Variants in PIEZO2 observed in about 807,000 individuals in gnomAD.
PIEZO2 encodes the protein piezo type mechanosensitive ion channel component 2, also known as piezo-type mechanosensitive ion channel component 2.
PIEZO2 carries 172 observed loss-of-function variants against 337.3 expected under a neutral mutation model. That is an observed-to-expected ratio of 0.51 (90% CI 0.45 to 0.58). PIEZO2 has a LOEUF of 0.58. Among genes scored for constraint, PIEZO2 ranks in the 20% least tolerant of loss-of-function variants. The pLI is 0.00. For synonymous variants in PIEZO2, 1,251 were observed against 1,228.5 expected, an observed-to-expected ratio of 1.02 and a Z score of -0.38; for missense variants, 3,028 against 3,391.3, an observed-to-expected ratio of 0.89 and a Z score of 2.66.
Position 10,888,565 on chromosome 18 carries a change from A to G in PIEZO2, c.330-17150T>C, listed in dbSNP as rs2042672520. Among the ~76,000 whole-genome samples, 1 of 152,008 alleles carries G rather than the reference A, an allele frequency of 6.6e-6. No homozygotes were observed. The highest frequency in any genetic ancestry group is 2.1e-4 in the South Asian group (1 of 4,816). ...GACAGAGTCCTTTGCATATATTTCC[A>G]CACACACGCATATGCCTTTACAACT... On this transcript the variant is annotated intron_variant, in intron 4 of 55. Coordinates refer to ENST00000674853, the MANE Select transcript of PIEZO2 (RefSeq NM_001378183.1). This position sits in a 1 kb window ranked among gnomAD's most constrained non-coding sequence, Gnocchi z 4.1.
chr18:11,085,886 A>G (rs947224361), intron 1 of PIEZO2, among the ~76,000 whole-genome samples: 9 of 151,872 alleles, frequency 5.9e-5, no homozygotes, highest in Non-Finnish European at 1.2e-4. Context: ...GGTGGGAGAA[A>G]AAAAGGGAGG....
At position 10,752,523 on chromosome 18, in the gene PIEZO2, T is replaced by A. The variant is rs1034344457; in HGVS notation, c.4167+113A>T. 6.4e-6 allele frequency: 8 copies of A among 1,256,930 alleles called. No individual in the cohort carries two copies. The South Asian group carries it at 1.1e-4, about 17-fold the overall frequency. The allele number at this position is 1,256,930 out of a possible 1,614,324, so 77.9% of individuals were successfully genotyped here. A position where few individuals can be genotyped will look rare whatever the true frequency, so the allele number is the denominator to read the frequency against. The stretch of plus-strand genomic sequence containing the variant: ...TGAATTCTGAATTTGCAGCATCTTA[T>A]TGGGGCTTTTAAGAGAGCAACATGA... On this transcript the variant is annotated intron_variant, in intron 28 of 55. Coordinates refer to ENST00000674853, the MANE Select transcript of PIEZO2 (RefSeq NM_001378183.1).
intron 4 of PIEZO2, among the ~76,000 whole-genome samples, chr18:10,883,025 G>A (rs2042468368): frequency 6.6e-6 from 1 of 151,678 alleles, no homozygotes; most frequent in African/African-American, 2.4e-5. Flanking sequence ...TTTTGGTAGA[G>A]ACATGGTTTC....
chr18:11,035,096 C>A lies in PIEZO2; in HGVS notation c.160+31031G>T, dbSNP rs1017220071. Among the ~76,000 whole-genome samples, 14 of 152,142 alleles carry A rather than the reference C, an allele frequency of 9.2e-5. No homozygotes were observed. Among genetic ancestry groups the A allele is most frequent in the African/African-American group, 3.4e-4 (14 of 41,426 alleles). Reference sequence around the variant, plus strand: ...ATTCACTTTCGAAATCAATTTATTACAGAGTGTGTAGAAGGGGATGGAGCT... The same window carrying A: ...ATTCACTTTCGAAATCAATTTATTAAAGAGTGTGTAGAAGGGGATGGAGCT... On this transcript the variant is annotated intron_variant, in intron 2 of 55. Transcript: ENST00000674853. The surrounding 1 kb of genome is among the most constrained non-coding windows in gnomAD (Gnocchi z 4.3).
rs920911406 is a variant in PIEZO2, at chr18:10,895,916, C to T, written c.329+15270G>A. On this transcript the variant is annotated intron_variant, in intron 4 of 55. Coordinates refer to ENST00000674853, the MANE Select transcript of PIEZO2 (RefSeq NM_001378183.1). The surrounding 1 kb of genome is among the most constrained non-coding windows in gnomAD (Gnocchi z 4.8). ...TTTACTAAAAATACAGAAAATTACC[C>T]GGGCGTGGTGGCGTGTGCCTGTAAT... Among the ~76,000 whole-genome samples the T allele has an allele frequency of 3.3e-5, 5 of 151,684 alleles. No individual in the cohort carries two copies. Among genetic ancestry groups the T allele is most frequent in the African/African-American group, 1.2e-4 (5 of 41,254 alleles).
Position 10,687,285 on chromosome 18 carries a change from C to T in PIEZO2, c.7497+2370G>A, listed in dbSNP as rs553687460. 8.4e-5 allele frequency among the ~76,000 whole-genome samples: 10 copies of T among 118,510 alleles called. No homozygotes were observed. The East Asian group carries it at 4.2e-3, about 49-fold the overall frequency. 77.7% of individuals were successfully genotyped at this position (118,510 alleles called of 152,430 possible). A position where few individuals can be genotyped will look rare whatever the true frequency, so the allele number is the denominator to read the frequency against. ...TTCTTCCAGATGCTCTTCCTCCTCA[C>T]TCCCCGCAACCCATGACAGGCCCGC... On this transcript the variant is annotated intron_variant, in intron 49 of 55. Coordinates refer to ENST00000674853, the MANE Select transcript of PIEZO2 (RefSeq NM_001378183.1).
chr18:10,989,617 G>A (rs2145544293), intron 2 of PIEZO2, among the ~76,000 whole-genome samples: 1 of 152,198 alleles, frequency 6.6e-6, no homozygotes, highest in South Asian at 2.1e-4. Context: ...TTAATATTTA[G>A]AATAGATAAG....
At chr18:11,066,978 T>C (rs752044833) in intron 1 of PIEZO2, among the ~76,000 whole-genome samples, 11 of 152,212 alleles carry the variant, frequency 7.2e-5, no homozygotes, top group Admixed American at 3.3e-4. Context: ...AAATGCTTTA[T>C]GCAAGCCTCA....
chr18:10,897,721 A>T (rs2042939582), intron 4 of PIEZO2, among the ~76,000 whole-genome samples: 1 of 152,228 alleles, frequency 6.6e-6, no homozygotes, highest in African/African-American at 2.4e-5. Context: ...TTAAGTGCAC[A>T]TGTAACTTCT....
At chr18:10,961,463 T>C (rs1162161369) in intron 3 of PIEZO2, among the ~76,000 whole-genome samples, 2 of 152,146 alleles carry the variant, frequency 1.3e-5, no homozygotes, top group Non-Finnish European at 2.9e-5. Flanking sequence ...GTGCAGTGTA[T>C]ACTGCTTGGG....
chr18:10,707,636 G>A lies in PIEZO2; in HGVS notation c.5588+639C>T, dbSNP rs185268383. ...TATGCAAATAATTTTATTTCTAAAT[G>A]AATACTGTTTTAGGGTAGGATTTGG... On this transcript the variant is annotated intron_variant, in intron 40 of 55. Coordinates refer to ENST00000674853, the MANE Select transcript of PIEZO2 (RefSeq NM_001378183.1). The surrounding 1 kb of genome is among the most constrained non-coding windows in gnomAD (Gnocchi z 4.2). Among the ~76,000 whole-genome samples the A allele has an allele frequency of 3.3e-5, 5 of 152,270 alleles. No homozygotes were observed. Among genetic ancestry groups the A allele is most frequent in the Admixed American group, 3.3e-4 (5 of 15,296 alleles).
At chr18:10,937,405 A>G (rs2032465419) in intron 3 of PIEZO2, among the ~76,000 whole-genome samples, 1 of 152,152 alleles carries the variant, frequency 6.6e-6, no homozygotes. Flanking sequence ...CAGGCCCACA[A>G]TACTGGTGGT....
chr18:10,829,129 G>A (rs530363133), intron 7 of PIEZO2, among the ~76,000 whole-genome samples: 35 of 152,044 alleles, frequency 2.3e-4, no homozygotes, highest in African/African-American at 3.9e-4. Flanking sequence ...TCTTCTCGGC[G>A]ATCCCTGAAC....
intron 2 of PIEZO2, among the ~76,000 whole-genome samples, chr18:11,007,462 C>T (rs566672412): frequency 6.6e-6 from 1 of 152,202 alleles, no homozygotes; most frequent in East Asian, 1.9e-4. Context: ...CCAGAAAGTT[C>T]CTCATATGCC....
chr18:10,755,138 G>C (rs944026045), intron 27 of PIEZO2, among the ~76,000 whole-genome samples: 6 of 152,134 alleles, frequency 3.9e-5, no homozygotes, highest in African/African-American at 1.4e-4. Flanking sequence ...CTTTAGAAGT[G>C]GGGATAAGAT....
chr18:11,012,843 G>A (rs931962065), intron 2 of PIEZO2, among the ~76,000 whole-genome samples: 3 of 152,120 alleles, frequency 2.0e-5, no homozygotes, highest in African/African-American at 4.8e-5. Flanking sequence ...CCAGGAGTTC[G>A]AGGCCAGCCT....
At chr18:10,730,004 A>G (rs1170104778) in intron 36 of PIEZO2, among the ~76,000 whole-genome samples, 2 of 152,178 alleles carry the variant, frequency 1.3e-5, no homozygotes, top group Non-Finnish European at 2.9e-5. Context: ...TCATATGGGC[A>G]TTTAGGATGT....
intron 4 of PIEZO2, among the ~76,000 whole-genome samples, chr18:10,891,323 A>G (rs1246298263): frequency 1.3e-5 from 2 of 152,160 alleles, no homozygotes; most frequent in Non-Finnish European, 2.9e-5. Context: ...ACTCTGTTAA[A>G]AAAAAATAAA....
rs115908691 is a variant in PIEZO2, at chr18:11,007,329, C to T, written c.161-27669G>A. Among the ~76,000 whole-genome samples the T allele has an allele frequency of 8.6e-3, 1,311 of 152,254 alleles. 22 individuals carry two copies. The highest frequency in any genetic ancestry group is 0.03 in the African/African-American group (1,227 of 41,554). On this transcript the variant is annotated intron_variant, in intron 2 of 55. Coordinates refer to ENST00000674853, the MANE Select transcript of PIEZO2 (RefSeq NM_001378183.1). ...TAAATGCTTTAAGTCTCTTTTCTAG[C>T]ATAAAATATAGGTTAAAGAAATCAA...
Sources: allele counts gnomAD v4.1 joint callset (sites outside exome capture counted in the v4.1 genomes callset), GRCh38; gene constraint gnomAD v4.1.1; non-coding constraint Gnocchi (gnomAD v3.1); transcripts MANE v1.5; gene names NCBI Gene and HGNC (gene_info 2026-07-23, HGNC 2026-07-21).